Variants in TENM2 observed in about 807,000 individuals in gnomAD.
TENM2 encodes teneurin-2.
A neutral mutation model predicts 245.2 loss-of-function variants in TENM2; 52 were observed. That is an observed-to-expected ratio of 0.21 (90% confidence interval 0.17 to 0.27). The LOEUF is 0.27. Among genes scored for constraint, TENM2 ranks in the 10% least tolerant of loss-of-function variants. The probability of loss-of-function intolerance (pLI) is 1.00; values close to 1 mark genes in which losing one functional copy is unlikely to be tolerated. For synonymous variants in TENM2, 1,363 were observed against 1,438.9 expected (o/e 0.95, Z 1.19); for missense variants, 3,046 against 3,666.8 (o/e 0.83, Z 4.37).
At chr5:167,674,327 C>T (rs1756163578) in intron 2 of TENM2, among the ~76,000 whole-genome samples, 1 of 152,054 alleles carries the variant, frequency 6.6e-6, no homozygotes, top group Admixed American at 6.6e-5. Context: ...TTTGTTCTAC[C>T]TGGGTATCTT....
intron 17 of TENM2, 41 bp from the exon 20 acceptor site, chr5:168,203,648 T>C: frequency 6.5e-7 from 1 of 1,538,212 alleles, no homozygotes; most frequent in Non-Finnish European, 8.9e-7. Flanking sequence ...AAGTAAACTC[T>C]CTCTTTTCTC....
intron 2 of TENM2, among the ~76,000 whole-genome samples, chr5:167,859,696 C>T (rs1771525646): frequency 9.8e-6 from 1 of 102,282 alleles, no homozygotes; most frequent in African/African-American, 4.6e-5. Flanking sequence ...GTGAGGAGCC[C>T]CTCTGCCCGG....
chr5:167,385,152 A>G lies in TENM2; in HGVS notation c.502+9679A>G, dbSNP rs146933781. 1.8e-3 allele frequency among the ~76,000 whole-genome samples: 268 copies of G among 152,338 alleles called. 1 individual carries two copies. Among genetic ancestry groups the G allele is most frequent in the Non-Finnish European group, 2.1e-3 (145 of 68,036 alleles). ...GTCATAATATTATTTTTAAGGGCAC[A>G]GTAAGTGTGTTGTAGGTGAACGTTG... On this transcript the variant is annotated intron_variant, in intron 2 of 28. Transcript: ENST00000518659.
At chr5:167,997,528 A>G (rs1203863877) in intron 5 of TENM2, among the ~76,000 whole-genome samples, 1 of 152,232 alleles carries the variant, frequency 6.6e-6, no homozygotes, top group Admixed American at 6.5e-5. Context: ...GTTGGAGACT[A>G]AATATTTTTG....
intron 9 of TENM2, among the ~76,000 whole-genome samples, chr5:168,103,772 C>T (rs529355534): frequency 8.4e-4 from 128 of 152,248 alleles, no homozygotes; most frequent in African/African-American, 3.0e-3. Flanking sequence ...TGGGAAGCCT[C>T]GATCCCATTG....
chr5:167,583,639 A>G (rs747242743), intron 2 of TENM2, among the ~76,000 whole-genome samples: 1 of 152,236 alleles, frequency 6.6e-6, no homozygotes, highest in African/African-American at 2.4e-5. Context: ...TATTCCATAA[A>G]AATTAATGGA....
chr5:167,381,145 G>A (rs1452759127), intron 2 of TENM2, among the ~76,000 whole-genome samples: 1 of 152,112 alleles, frequency 6.6e-6, no homozygotes, highest in Non-Finnish European at 1.5e-5. Flanking sequence ...CGGAAACTGA[G>A]ACATAGCAGG....
intron 13 of TENM2, chr5:168,165,188 G>C (rs1758107004): frequency 1.3e-5 from 2 of 152,154 alleles, no homozygotes; most frequent in African/African-American, 2.4e-5. Flanking sequence ...TCCTGAAACA[G>C]AGCCAAAGAG....
intron 19 of TENM2, 63 bp from the exon 22 acceptor site, chr5:168,211,671 T>C: frequency 1.9e-6 from 2 of 1,076,202 alleles, no homozygotes. Flanking sequence ...TTATGTTTGC[T>C]TTATCATCAA....
At chr5:167,791,277 G>T (rs959644959) in intron 2 of TENM2, among the ~76,000 whole-genome samples, 1 of 151,474 alleles carries the variant, frequency 6.6e-6, no homozygotes, top group African/African-American at 2.4e-5. Flanking sequence ...TTTTTTATAT[G>T]TATGCAGGTG....
chr5:167,376,218 G>C (rs1443937358), intron 2 of TENM2, among the ~76,000 whole-genome samples: 1 of 152,156 alleles, frequency 6.6e-6, no homozygotes, highest in African/African-American at 2.4e-5. Context: ...GTGGGTTTCT[G>C]AGCAATTCCG....
At chr5:167,483,624 G>A (rs529507907) in intron 2 of TENM2, among the ~76,000 whole-genome samples, 2 of 152,154 alleles carry the variant, frequency 1.3e-5, no homozygotes, top group African/African-American at 4.8e-5. Flanking sequence ...AATTCTGTGT[G>A]TACTTCTGTT....
intron 2 of TENM2, among the ~76,000 whole-genome samples, chr5:167,674,164 G>C (rs1756151251): frequency 6.6e-6 from 1 of 152,126 alleles, no homozygotes; most frequent in Non-Finnish European, 1.5e-5. Context: ...ACGTTGAATA[G>C]CTGCCTCCAG....
At chr5:168,037,625 G>A (rs919276934) in intron 5 of TENM2, among the ~76,000 whole-genome samples, 1 of 150,150 alleles carries the variant, frequency 6.7e-6, no homozygotes, top group Non-Finnish European at 1.5e-5. Flanking sequence ...ATATTAAGCG[G>A]GTAAGAGGAG....
the TENM2 span, among the ~76,000 whole-genome samples, chr5:167,278,083 C>A: frequency 6.6e-6 from 1 of 151,964 alleles, no homozygotes; most frequent in East Asian, 1.9e-4. Flanking sequence ...GTGGGTAGAT[C>A]TCTTGGGCCC....
At chr5:167,238,458 A>G in the TENM2 span, among the ~76,000 whole-genome samples, 3 of 152,172 alleles carry the variant, frequency 2.0e-5, no homozygotes, top group African/African-American at 4.8e-5. Flanking sequence ...TTCTCTCTCC[A>G]TGAAGATAGG....
At chr5:167,067,067 A>T in the TENM2 span, among the ~76,000 whole-genome samples, 1 of 152,206 alleles carries the variant, frequency 6.6e-6, no homozygotes, top group Non-Finnish European at 1.5e-5. Flanking sequence ...TCTAAAACAA[A>T]CATTATTCTA....
intron 2 of TENM2, among the ~76,000 whole-genome samples, chr5:167,585,340 C>CGA (rs1775411830): frequency 6.6e-6 from 1 of 152,178 alleles, no homozygotes; most frequent in Non-Finnish European, 1.5e-5. Flanking sequence ...CTACCTCTCT[C>CGA]CACTCTAGTG....
intron 12 of TENM2, among the ~76,000 whole-genome samples, chr5:168,134,512 C>T (rs972754247): frequency 2.0e-5 from 3 of 152,064 alleles, no homozygotes; most frequent in Non-Finnish European, 2.9e-5. Flanking sequence ...ATAGTGAAAC[C>T]CCATCTCTAC....
Sources: allele counts gnomAD v4.1 joint callset (sites outside exome capture counted in the v4.1 genomes callset), GRCh38; gene constraint gnomAD v4.1.1; transcripts MANE v1.5; gene names NCBI Gene and HGNC (gene_info 2026-07-23, HGNC 2026-07-21).